IMPG1: variants seen among roughly 807,000 people sequenced by gnomAD.
IMPG1 encodes the protein interphotoreceptor matrix proteoglycan of 150 kDa.
In IMPG1, 85 loss-of-function variants were observed where a neutral mutation model predicts 92.0. The observed-to-expected ratio is 0.92, with a 90% confidence interval of 0.78 to 1.11. The LOEUF is 1.11. Ranked by LOEUF, IMPG1 falls within the 50% of genes least tolerant of loss-of-function variation. The probability of loss-of-function intolerance (pLI) is 0.00; values close to 1 mark genes in which losing one functional copy is unlikely to be tolerated. For synonymous variants in IMPG1, 367 were observed against 334.1 expected, an observed-to-expected ratio of 1.10 and a Z score of -1.08; for missense variants, 1,022 against 956.0, an observed-to-expected ratio of 1.07 and a Z score of -0.91.
chr6:76,026,187 A>G (rs1057502087), intron 4 of IMPG1, among the ~76,000 whole-genome samples: 3 of 152,156 alleles, frequency 2.0e-5, no homozygotes, highest in African/African-American at 7.2e-5. Flanking sequence ...TTTTCACCCA[A>G]TAAAACCCTG....
At chr6:76,036,045 C>T (rs1004152111) in intron 2 of IMPG1, among the ~76,000 whole-genome samples, 1 of 152,124 alleles carries the variant, frequency 6.6e-6, no homozygotes, top group Non-Finnish European at 1.5e-5. Flanking sequence ...AAGAACAGTG[C>T]TGTAACAAAA....
Position 76,070,655 on chromosome 6 carries a change from CT to C in IMPG1, c.67+1766del, listed in dbSNP as rs1429587076. Reference sequence around the variant, plus strand: ...GCCAAAAAAATGAATGAAATAATGTCTTTTGTAGCAACCTGGATGGAACTGG... The same window carrying C: ...GCCAAAAAAATGAATGAAATAATGTCTTTGTAGCAACCTGGATGGAACTGG... On this transcript the variant is annotated intron_variant, in intron 1 of 16. Coordinates refer to ENST00000369950, the MANE Select transcript of IMPG1 (RefSeq NM_001563.4). 3.9e-5 allele frequency among the ~76,000 whole-genome samples: 6 copies of C among 152,184 alleles called. No homozygotes were observed. The East Asian group carries it at 5.8e-4, about 15-fold the overall frequency.
chr6:76,064,320 C>A (rs1329470414), intron 1 of IMPG1, among the ~76,000 whole-genome samples: 3 of 150,366 alleles, frequency 2.0e-5, no homozygotes, highest in Non-Finnish European at 4.4e-5. Context: ...GGAGGAGGTT[C>A]TGCACCACAG....
intron 12 of IMPG1, among the ~76,000 whole-genome samples, chr6:75,983,480 G>A (rs1466918500): frequency 6.6e-6 from 1 of 152,142 alleles, no homozygotes; most frequent in African/African-American, 2.4e-5. Flanking sequence ...ATGGGGAAAG[G>A]ACAGTCTCTT....
intron 12 of IMPG1, among the ~76,000 whole-genome samples, chr6:75,964,672 T>A (rs1226329285): frequency 2.6e-5 from 2 of 77,172 alleles, no homozygotes; most frequent in Admixed American, 2.0e-4. Flanking sequence ...GTGAGACTAG[T>A]CTCAAAAAAA....
intron 9 of IMPG1, among the ~76,000 whole-genome samples, chr6:76,007,204 T>C (rs1783112979): frequency 6.6e-6 from 1 of 152,224 alleles, no homozygotes; most frequent in Non-Finnish European, 1.5e-5. Context: ...AGATAGTGTT[T>C]TTATGTTTTT....
At chr6:75,927,782 A>G (rs958213222) in intron 15 of IMPG1, among the ~76,000 whole-genome samples, 1 of 130,328 alleles carries the variant, frequency 7.7e-6, no homozygotes, top group African/African-American at 3.0e-5. Flanking sequence ...CCCAGCATCT[A>G]GCAGGGTGCC....
At chr6:75,980,337 G>A (rs1204231165) in intron 12 of IMPG1, among the ~76,000 whole-genome samples, 1 of 152,224 alleles carries the variant, frequency 6.6e-6, no homozygotes, top group Non-Finnish European at 1.5e-5. Flanking sequence ...GCAAACACAT[G>A]GAAGACAGTA....
intron 4 of IMPG1, among the ~76,000 whole-genome samples, chr6:76,029,952 C>A (rs2149486539): frequency 6.6e-6 from 1 of 151,900 alleles, no homozygotes; most frequent in Middle Eastern, 3.4e-3. Flanking sequence ...GTCCCAAACT[C>A]AATTCCAAGC....
chr6:76,039,300 C>A (rs984585321), intron 2 of IMPG1, among the ~76,000 whole-genome samples: 1 of 151,740 alleles, frequency 6.6e-6, no homozygotes, highest in African/African-American at 2.4e-5. Context: ...AACTAGGACC[C>A]TATCCATCTT....
chr6:76,012,702 C>T (rs1389596338), intron 7 of IMPG1, among the ~76,000 whole-genome samples: 1 of 152,212 alleles, frequency 6.6e-6, no homozygotes, highest in East Asian at 1.9e-4. Context: ...CCCCTCTCTC[C>T]TATCCTTGTC....
At chr6:76,047,895 C>T (rs143996057) in intron 1 of IMPG1, among the ~76,000 whole-genome samples, 2,218 of 152,122 alleles carry the variant, frequency 0.015, 55 homozygotes, top group African/African-American at 0.051. Flanking sequence ...AAGATAATAT[C>T]CTAAGTGAAA....
At chr6:76,015,753 T>C (rs2149481252) in intron 7 of IMPG1, among the ~76,000 whole-genome samples, 1 of 126,752 alleles carries the variant, frequency 7.9e-6, no homozygotes, top group East Asian at 2.3e-4. Context: ...TGAGCTGAGA[T>C]GGCACCATTG....
intron 12 of IMPG1, among the ~76,000 whole-genome samples, chr6:75,991,027 T>G (rs1015395178): frequency 6.6e-6 from 1 of 152,194 alleles, no homozygotes; most frequent in African/African-American, 2.4e-5. Flanking sequence ...TTCTTCCTCA[T>G]AGTCTCACAG....
rs1272892607 is a variant in IMPG1 at position 75,924,646 on chromosome 6, T to A, written c.2244-940A>T. On this transcript the variant is annotated intron_variant, in intron 15 of 16. Coordinates refer to ENST00000369950, the MANE Select transcript of IMPG1 (RefSeq NM_001563.4). Reference sequence around the variant, plus strand: ...TAATAAATTATATATTATATATAATTAATTATATATAATATATAATAAATT... The same window carrying A: ...TAATAAATTATATATTATATATAATAAATTATATATAATATATAATAAATT... Among the ~76,000 whole-genome samples the A allele has an allele frequency of 3.3e-3, 15 of 4,506 alleles. 3 individuals are homozygous for A. The highest frequency in any genetic ancestry group is 8.5e-3 in the African/African-American group (13 of 1,536). 3.0% of individuals were successfully genotyped at this position (4,506 alleles called of 152,430 possible). A position where few individuals can be genotyped will look rare whatever the true frequency, so the allele number is the denominator to read the frequency against.
At chr6:75,928,837 C>T (rs1190266010) in intron 15 of IMPG1, among the ~76,000 whole-genome samples, 1 of 152,180 alleles carries the variant, frequency 6.6e-6, no homozygotes, top group East Asian at 1.9e-4. Context: ...ATGGTTGAAC[C>T]TAATATACTT....
At chr6:76,068,592 G>A (rs900288438) in intron 1 of IMPG1, among the ~76,000 whole-genome samples, 2 of 135,068 alleles carry the variant, frequency 1.5e-5, no homozygotes, top group Admixed American at 8.6e-5. Flanking sequence ...TCAGCTTACC[G>A]CAATTTCCAC....
chr6:75,959,659 G>A (rs572312110), intron 12 of IMPG1, among the ~76,000 whole-genome samples: 5 of 152,160 alleles, frequency 3.3e-5, no homozygotes, highest in South Asian at 2.1e-4. Flanking sequence ...GGTGGCTTCC[G>A]CTGTGAGGGG....
intron 6 of IMPG1, among the ~76,000 whole-genome samples, chr6:76,020,921 A>G (rs560611678): frequency 2.9e-4 from 44 of 152,330 alleles, no homozygotes; most frequent in Admixed American, 9.8e-4. Context: ...TCTCTTTGCC[A>G]TATTTTGAAA....
Sources: allele counts gnomAD v4.1 joint callset (sites outside exome capture counted in the v4.1 genomes callset), GRCh38; gene constraint gnomAD v4.1.1; transcripts MANE v1.5; gene names NCBI Gene and HGNC (gene_info 2026-07-23, HGNC 2026-07-21).